The following MIA2 variants were observed in gnomAD, a reference collection of about 807,000 sequenced individuals.
MIA2 encodes melanoma inhibitory activity protein 2.
A neutral mutation model predicts 167.8 loss-of-function variants in MIA2; 127 were observed. The ratio of observed to expected loss-of-function variants is 0.76; its 90% CI spans 0.66 to 0.88. The LOEUF is 0.88. Among genes scored for constraint, MIA2 ranks in the 40% least tolerant of loss-of-function variants. The pLI, the probability that MIA2 is intolerant of heterozygous loss-of-function variation, is 0.00. For synonymous variants in MIA2, 552 were observed against 541.9 expected, an observed-to-expected ratio of 1.02 and a Z score of -0.26; for missense variants, 1,690 against 1,624.7, an observed-to-expected ratio of 1.04 and a Z score of -0.69.
chr14:39,381,026 A>AAC (rs1555423424), intron 23 of MIA2, among the ~76,000 whole-genome samples: 9 of 148,320 alleles, frequency 6.1e-5, no homozygotes, highest in South Asian at 4.4e-4. Context: ...AAAAAACAAA[A>AAC]AAAAAAAAAA....
chr14:39,259,447 G>T (rs1385202910), intron 6 of MIA2, among the ~76,000 whole-genome samples: 1 of 152,212 alleles, frequency 6.6e-6, no homozygotes, highest in Non-Finnish European at 1.5e-5. Flanking sequence ...AAGGAGCCTT[G>T]GCAAGAGTAA....
intron 6 of MIA2, among the ~76,000 whole-genome samples, chr14:39,268,133 A>C (rs1397755995): frequency 2.0e-5 from 3 of 152,160 alleles, no homozygotes; most frequent in Non-Finnish European, 4.4e-5. Flanking sequence ...TCTAGTTTAT[A>C]ATCAAGTTGT....
chr14:39,296,633 T>TA (rs2061466069), intron 13 of MIA2, among the ~76,000 whole-genome samples: 1 of 147,584 alleles, frequency 6.8e-6, no homozygotes, highest in East Asian at 2.0e-4. Context: ...TTTTTATTTT[T>TA]ATTATTTTTT....
rs189829307 is a variant in MIA2 at position 39,371,594 on chromosome 14, A to G, written c.2249-15291A>G. 7.5e-3 allele frequency among the ~76,000 whole-genome samples: 1,145 copies of G among 152,378 alleles called. 5 individuals are homozygous for G. The highest frequency in any genetic ancestry group is 0.017 in the Middle Eastern group (5 of 294). On this transcript the variant is annotated intron_variant, in intron 23 of 23. Coordinates refer to the MIA2 transcript ENST00000341502. ...TTACAGATTTTGATATGAGTGCTAC[A>G]AAAGAGATGATGGGTTTTTTGTGTA...
intron 25 of MIA2, among the ~76,000 whole-genome samples, chr14:39,334,602 T>C (rs1387773845): frequency 6.6e-6 from 1 of 151,410 alleles, no homozygotes; most frequent in Non-Finnish European, 1.5e-5. Flanking sequence ...GTTTCACCTT[T>C]GTCATCCAGG....
At chr14:39,302,395 C>T (rs1209444971) in intron 15 of MIA2, 146 bp downstream of exon 15, 3 of 912,752 alleles carry the variant, frequency 3.3e-6, no homozygotes, top group Admixed American at 2.5e-5. Flanking sequence ...TTCTCACCAT[C>T]CCTTATAGTT....
intron 23 of MIA2, chr14:39,385,594 A>G (rs913700058): frequency 3.5e-5 from 28 of 809,374 alleles, no homozygotes; most frequent in Middle Eastern, 2.5e-4. Context: ...AACAATTTCT[A>G]TATCTACTTG....
intron 9 of MIA2, among the ~76,000 whole-genome samples, chr14:39,282,701 G>A (rs2059120694): frequency 6.6e-6 from 1 of 152,120 alleles, no homozygotes; most frequent in Non-Finnish European, 1.5e-5. Flanking sequence ...AGACTCCTGA[G>A]TAACTGCGGC....
At chr14:39,371,319 G>A (rs2074941765) in intron 23 of MIA2, among the ~76,000 whole-genome samples, 1 of 152,148 alleles carries the variant, frequency 6.6e-6, no homozygotes, top group South Asian at 2.1e-4. Context: ...GGGAGAGAGG[G>A]TAGTTAAGAA....
At chr14:39,379,747 A>C (rs1302579537) in intron 23 of MIA2, among the ~76,000 whole-genome samples, 1 of 152,172 alleles carries the variant, frequency 6.6e-6, no homozygotes, top group Non-Finnish European at 1.5e-5. Context: ...AGTTATCAGG[A>C]GGCTGAGGCA....
intron 12 of MIA2, among the ~76,000 whole-genome samples, chr14:39,294,482 G>A (rs1032371629): frequency 9.9e-5 from 15 of 151,602 alleles, no homozygotes; most frequent in Non-Finnish European, 2.9e-5. Flanking sequence ...ACAGGCATGA[G>A]CCACCACACC....
At chr14:39,345,111 C>T (rs781435420) in intron 25 of MIA2, among the ~76,000 whole-genome samples, 6 of 152,100 alleles carry the variant, frequency 3.9e-5, no homozygotes, top group Non-Finnish European at 2.9e-5. Flanking sequence ...TAGAGTCTTG[C>T]TCTGTCACCC....
At chr14:39,262,640 TC>T (rs1253945207) in intron 6 of MIA2, among the ~76,000 whole-genome samples, 1 of 152,212 alleles carries the variant, frequency 6.6e-6, no homozygotes, top group Non-Finnish European at 1.5e-5. Context: ...ATTCTTCCTA[TC>T]CATGAGCATG....
At chr14:39,336,758 T>G (rs1486714842) in intron 25 of MIA2, among the ~76,000 whole-genome samples, 2 of 152,154 alleles carry the variant, frequency 1.3e-5, no homozygotes, top group South Asian at 2.1e-4. Flanking sequence ...ATTAAAAAAT[T>G]TTTTTAGAGA....
intron 14 of MIA2, among the ~76,000 whole-genome samples, chr14:39,301,746 C>G (rs1340606884): frequency 1.3e-5 from 2 of 152,206 alleles, no homozygotes; most frequent in Admixed American, 6.5e-5. Context: ...AATCTACGAT[C>G]TTTTTATACA....
intron 6 of MIA2, among the ~76,000 whole-genome samples, chr14:39,263,925 A>G (rs1247313159): frequency 6.6e-6 from 1 of 151,904 alleles, no homozygotes; most frequent in African/African-American, 2.4e-5. Context: ...TGAGCCAACC[A>G]CGCCCAGCCC....
intron 7 of MIA2, among the ~76,000 whole-genome samples, chr14:39,277,728 ATATATATATATATATGTGTG>A (rs1566684752): frequency 0.088 from 439 of 4,962 alleles, 107 homozygotes; most frequent in African/African-American, 0.32. Context: ...GTGTATATAT[ATATATATATATATATGTGTG>A]TATATATATA....
chr14:39,327,804 CT>C (rs1175966366), intron 25 of MIA2, among the ~76,000 whole-genome samples: 3 of 152,098 alleles, frequency 2.0e-5, no homozygotes, highest in Non-Finnish European at 4.4e-5. Flanking sequence ...TGAACTCATT[CT>C]TTTTTATGGC....
At chr14:39,316,447 TAG>T (rs2065460033) in intron 21 of MIA2, among the ~76,000 whole-genome samples, 1 of 152,186 alleles carries the variant, frequency 6.6e-6, no homozygotes, top group African/African-American at 2.4e-5. Flanking sequence ...ACGTGTAAGA[TAG>T]AGATAGCAGT....
Sources: gnomAD v4.1 joint callset for allele counts (sites outside exome capture counted in the v4.1 genomes callset) on GRCh38, gnomAD v4.1.1 for gene constraint, MANE v1.5 for transcripts, NCBI Gene and HGNC (gene_info 2026-07-23, HGNC 2026-07-21) for gene names.